Variants in SLC13A4 observed in about 807,000 individuals in gnomAD.
The protein encoded by SLC13A4 is Na(+)/sulfate cotransporter SUT-1.
In SLC13A4, 28 loss-of-function variants were observed where a neutral mutation model predicts 72.7. The observed-to-expected ratio is 0.39, with a 90% CI of 0.29 to 0.53. The LOEUF is 0.53. Among genes scored for constraint, SLC13A4 ranks in the 20% least tolerant of loss-of-function variants. The pLI is 0.78. For synonymous variants in SLC13A4, 312 were observed against 325.5 expected (o/e 0.96, Z 0.45); for missense variants, 653 against 788.0 (o/e 0.83, Z 2.05).
chr7:135,685,568 C>T lies in SLC13A4; in HGVS notation c.1562G>A (p.Ser521Asn), dbSNP rs1795603615. ...GAAGATGGTGATGGTTGCTGGGTTGCTCACAAACTCAGTGACAATGGACAC... is the reference window on the plus strand; with the variant it reads ...GAAGATGGTGATGGTTGCTGGGTTGTTCACAAACTCAGTGACAATGGACAC... ...ILVSIVTEFV[S>N]NPATITIFLP... Residue 521 changes from serine (S) to asparagine (N), a missense_variant, in exon 14 of 16, where the codon AGC (serine) becomes AAC (asparagine). Transcript: ENST00000682651. 6.2e-7 allele frequency: 1 copy of T among 1,614,068 alleles called. No homozygotes were observed. Among genetic ancestry groups the T allele is most frequent in the African/African-American group, 1.3e-5 (1 of 74,940 alleles).
At chr7:135,682,356 G>C (rs1051836511) in intron 15 of SLC13A4, among the ~76,000 whole-genome samples, 2 of 152,248 alleles carry the variant, frequency 1.3e-5, no homozygotes, top group Non-Finnish European at 2.9e-5. Context: ...GGATGTGAGA[G>C]ATGGTGGGCT....
At chr7:135,727,363 T>A (rs1037126974) in intron 1 of SLC13A4, 35 bp downstream of exon 1, 2 of 1,544,044 alleles carry the variant, frequency 1.3e-6, no homozygotes, top group African/African-American at 2.7e-5. Flanking sequence ...TCCCACTGAC[T>A]CCCAGACCCC....
chr7:135,711,593 G>T (rs747909764), intron 2 of SLC13A4, among the ~76,000 whole-genome samples: 3 of 152,112 alleles, frequency 2.0e-5, no homozygotes, highest in Non-Finnish European at 4.4e-5. Context: ...CACAGTGTAA[G>T]GGCAGAGGCA....
chr7:135,718,088 C>CACACGT (rs754511549), intron 2 of SLC13A4, among the ~76,000 whole-genome samples: 17 of 149,666 alleles, frequency 1.1e-4, no homozygotes, highest in South Asian at 1.1e-3. Context: ...CACACACACA[C>CACACGT]GCGCGCGCGC....
intron 6 of SLC13A4, 172 bp from the exon 7 acceptor site, chr7:135,701,932 GC>G: frequency 3.6e-6 from 2 of 559,876 alleles, no homozygotes; most frequent in Non-Finnish European, 6.2e-6. Context: ...GGCCTGCCCC[GC>G]CCAGCCTGGT....
intron 5 of SLC13A4, 27 bp from the exon 6 acceptor site, chr7:135,702,911 C>T (rs1290606153): frequency 6.3e-7 from 1 of 1,591,228 alleles, no homozygotes; most frequent in Non-Finnish European, 8.6e-7. Flanking sequence ...GACACAGGAG[C>T]CACGTCAGTG....
Position 135,699,542 on chromosome 7 carries a change from G to C in SLC13A4, c.721C>G (p.Pro241Ala), listed in dbSNP as rs1448419681. 1 of 1,595,228 alleles carries C rather than the reference G, an allele frequency of 6.3e-7. No individual in the cohort carries two copies. The highest frequency in any genetic ancestry group is 8.5e-7 in the Non-Finnish European group (1 of 1,170,138). Residue 241 changes from proline to alanine, a missense_variant, in exon 8 of 16, where the codon CCA becomes GCA. Coordinates refer to ENST00000682651, the MANE Select transcript of SLC13A4 (RefSeq NM_001318192.2). ...GKKQHPSQEK[P>A]QVLTPSPRKQ... Reference sequence around the variant, plus strand: ...CTGGGGCTGGGGGTCAGGACTTGTGGCTTTTCCTAACGAAGGAAAATCAGC... The same window carrying C: ...CTGGGGCTGGGGGTCAGGACTTGTGCCTTTTCCTAACGAAGGAAAATCAGC...
At chr7:135,713,402 C>G (rs1473216028) in intron 2 of SLC13A4, among the ~76,000 whole-genome samples, 1 of 152,098 alleles carries the variant, frequency 6.6e-6, no homozygotes, top group Non-Finnish European at 1.5e-5. Context: ...CAATCTTGGG[C>G]TCTGAAGTTC....
rs1796134870 is a variant in SLC13A4 at position 135,705,331 on chromosome 7, C to T, written c.593+265G>A. 9 of 423,672 alleles carry T rather than the reference C, an allele frequency of 2.1e-5. No homozygotes were observed. The South Asian group carries it at 4.9e-4, about 23-fold the overall frequency. The allele number at this position is 423,672 out of a possible 1,614,324, so 26.2% of individuals were successfully genotyped here. On this transcript the variant is annotated intron_variant, in intron 5 of 15. Coordinates refer to ENST00000682651, the MANE Select transcript of SLC13A4 (RefSeq NM_001318192.2). The stretch of plus-strand genomic sequence containing the variant: ...GTGGCTGTGTGGACAGTTCATATAT[C>T]CACTGAGATTCAGTGTGGCCTTTTT...
rs1796696277 is a variant in SLC13A4 at position 135,727,577 on chromosome 7, C to A, written c.-81G>T. 1.4e-6 allele frequency: 2 copies of A among 1,470,364 alleles called. No individual in the cohort carries two copies. Among genetic ancestry groups the A allele is most frequent in the South Asian group, 1.3e-5 (1 of 74,604 alleles). 91.1% of individuals were successfully genotyped at this position (1,470,364 alleles called of 1,614,324 possible). ...TCCTGCCTGGGCACTGCTCTCTATC[C>A]AGAAAGACTTCTTAAACCTTTCTTG... is the stretch of plus-strand genomic sequence containing the variant. On this transcript the variant is annotated 5_prime_UTR_variant, in exon 1 of 16. Coordinates refer to ENST00000682651, the MANE Select transcript of SLC13A4 (RefSeq NM_001318192.2).
intron 10 of SLC13A4, 173 bp from the exon 11 acceptor site, chr7:135,692,597 C>T: frequency 1.7e-6 from 1 of 579,566 alleles, no homozygotes; most frequent in Non-Finnish European, 3.0e-6. Context: ...ACTGAGTGGC[C>T]CCAGAAAACA....
At chr7:135,709,538 T>C (rs1296478723) in intron 2 of SLC13A4, among the ~76,000 whole-genome samples, 1 of 151,866 alleles carries the variant, frequency 6.6e-6, no homozygotes, top group Non-Finnish European at 1.5e-5. Flanking sequence ...TTTCTACGAG[T>C]AGGGATTTTC....
In SLC13A4 at chr7:135,706,123, T is replaced by C. The variant is rs776560781; in HGVS notation, c.538+5A>G. On this transcript the variant is annotated splice_donor_5th_base_variant and intron_variant, in intron 4 of 15. Transcript: ENST00000682651. ...AAAGGAGAGATGAACTCCAGCAAAC[T>C]GTACTGATGGGTTCGGCCTCTTCGG... The C allele has an allele frequency of 5.1e-6, 8 of 1,575,364 alleles. No homozygotes were observed. In the East Asian group the frequency reaches 1.1e-4, roughly 22 times the overall value.
chr7:135,685,491 T>C (rs1584714134), intron 14 of SLC13A4, 31 bp downstream of exon 14: 1 of 1,604,800 alleles, frequency 6.2e-7, no homozygotes, highest in Non-Finnish European at 8.5e-7. Flanking sequence ...GGACAGCCTG[T>C]CTGGATGTCT....
At chr7:135,693,515 A>AC (rs1795838006) in intron 10 of SLC13A4, 1 of 152,224 alleles carries the variant, frequency 6.6e-6, no homozygotes, top group African/African-American at 2.4e-5. Flanking sequence ...TCTACAATGA[A>AC]CATGTATTCC....
chr7:135,708,382 G>A (rs1051108326), intron 2 of SLC13A4, 132 bp from the exon 3 acceptor site: 11 of 1,260,536 alleles, frequency 8.7e-6, no homozygotes, highest in Non-Finnish European at 1.2e-5. Flanking sequence ...GAGGCAGGGG[G>A]GTGAGGATTA....
rs1796062932 is a variant in SLC13A4, at chr7:135,702,568, G to T, written c.633+277C>A. ...TTTTTGTATTTTTAGTACAGGCGGG[G>T]TTTCACCATGTTGGCCAGGCTGGTC... is the stretch of plus-strand genomic sequence containing the variant. On this transcript the variant is annotated intron_variant, in intron 6 of 15. Transcript: ENST00000682651. 1.1e-5 allele frequency: 4 copies of T among 372,264 alleles called. No individual in the cohort carries two copies. In the South Asian group the frequency reaches 1.1e-4, roughly 10 times the overall value. The allele number at this position is 372,264 out of a possible 1,614,324, so 23.1% of individuals were successfully genotyped here.
Position 135,720,552 on chromosome 7 carries a change from AT to A in SLC13A4, c.228+842del, listed in dbSNP as rs1406549092. Among the ~76,000 whole-genome samples the A allele has an allele frequency of 1.0e-2, 775 of 77,826 alleles. 7 individuals carry two copies. The highest frequency in any genetic ancestry group is 0.034 in the African/African-American group (735 of 21,642). The allele number at this position is 77,826 out of a possible 152,430, so 51.1% of individuals were successfully genotyped here. A position where few individuals can be genotyped will look rare whatever the true frequency, so the allele number is the denominator to read the frequency against. On this transcript the variant is annotated intron_variant, in intron 2 of 15. Transcript: ENST00000682651. ...CCATCTCAGTGATTCAGGCTTTTTC[AT>A]TAAAAAAAAAAAAAAAAAAAACCAA...
intron 12 of SLC13A4, 107 bp from the exon 13 acceptor site, chr7:135,691,432 C>T (rs528427981): frequency 5.8e-5 from 47 of 810,008 alleles, no homozygotes; most frequent in African/African-American, 4.0e-4. Context: ...CTATTTGGGG[C>T]GGGGGCCGGG....
Sources: gnomAD v4.1 joint callset for allele counts (sites outside exome capture counted in the v4.1 genomes callset) on GRCh38, gnomAD v4.1.1 for gene constraint, MANE v1.5 for transcripts, NCBI Gene and HGNC (gene_info 2026-07-23, HGNC 2026-07-21) for gene names.